Variants in PADI4 observed in about 807,000 individuals in gnomAD.
PADI4 encodes protein-arginine deiminase type-4.
A neutral mutation model predicts 75.0 loss-of-function variants in PADI4; 62 were observed. That is an observed-to-expected ratio of 0.83 (90% CI 0.67 to 1.02). The LOEUF (loss-of-function observed/expected upper bound fraction) is 1.02, where lower values mean the gene tolerates loss of function less well. PADI4 is among the 50% of genes least tolerant of loss of function. The pLI, the probability that PADI4 is intolerant of heterozygous loss-of-function variation, is 0.00. For missense variants in PADI4, 845 were observed against 850.5 expected, an observed-to-expected ratio of 0.99 and a Z score of 0.08; for synonymous variants, 361 against 348.1, an observed-to-expected ratio of 1.04 and a Z score of -0.41.
chr1:17,359,623 T>C (rs1303705668), intron 15 of PADI4, among the ~76,000 whole-genome samples: 2 of 152,104 alleles, frequency 1.3e-5, no homozygotes, highest in Non-Finnish European at 2.9e-5. Flanking sequence ...ATTTCCATCA[T>C]AAAATCCACA....
chr1:17,348,012 C>CAG lies in PADI4; in HGVS notation c.1122_1123dup (p.Gly375GlufsTer3). 6.2e-7 allele frequency: 1 copy of CAG among 1,612,682 alleles called. No individual in the cohort carries two copies. Among genetic ancestry groups the CAG allele is most frequent in the Non-Finnish European group, 8.5e-7 (1 of 1,178,904 alleles). On this transcript the variant is annotated frameshift_variant, in exon 10 of 16. Coordinates refer to ENST00000375448, the MANE Select transcript of PADI4 (RefSeq NM_012387.3). LOFTEE classifies it high-confidence loss of function. Reference sequence around the variant, plus strand: ...CCGTGGTCTTCGACTCTCCAAGGAACAGAGGCCTGAAGGAGTTTCCCATCA... The same window carrying CAG: ...CCGTGGTCTTCGACTCTCCAAGGAACAGAGAGGCCTGAAGGAGTTTCCCATCA...
chr1:17,359,398 T>C lies in PADI4; in HGVS notation c.1748T>C (p.Phe583Ser), dbSNP rs751611108. The C allele has an allele frequency of 1.9e-6, 3 of 1,614,104 alleles. No individual in the cohort carries two copies. The highest frequency in any genetic ancestry group is 2.2e-5 in the South Asian group (2 of 91,078). Residue 583 changes from phenylalanine (F) to serine (S), a missense_variant, in exon 15 of 16, where the codon TTC (phenylalanine) becomes TCC (serine). Phe to Ser is a radical substitution (Grantham distance 155, BLOSUM62 -2). Transcript: ENST00000375448. ...LKEFSKAEAF[F>S]PNMVNMLVLG... ...GAGTTCTCTAAGGCGGAAGCTTTTT[T>C]CCCCAACATGGTGAGGAGGTGGCGG...
chr1:17,338,668 G>T (rs1219390238), intron 5 of PADI4, among the ~76,000 whole-genome samples: 1 of 152,174 alleles, frequency 6.6e-6, no homozygotes, highest in Non-Finnish European at 1.5e-5. Context: ...GCAGACTCGG[G>T]GTTTGAACCC....
chr1:17,355,369 T>C (rs2074742222), intron 11 of PADI4, among the ~76,000 whole-genome samples: 1 of 152,076 alleles, frequency 6.6e-6, no homozygotes, highest in Non-Finnish European at 1.5e-5. Flanking sequence ...CTGACTAACA[T>C]GGCGAAACCC....
chr1:17,316,981 G>C lies in PADI4; in HGVS notation c.92+8667G>C, dbSNP rs541898259. Among the ~76,000 whole-genome samples, 291 of 152,254 alleles carry C rather than the reference G, an allele frequency of 1.9e-3. 2 individuals carry two copies. Among genetic ancestry groups the C allele is most frequent in the African/African-American group, 6.7e-3 (277 of 41,534 alleles). On this transcript the variant is annotated intron_variant, in intron 1 of 15. Coordinates refer to ENST00000375448, the MANE Select transcript of PADI4 (RefSeq NM_012387.3). The stretch of plus-strand genomic sequence containing the variant: ...TTCAGCCGATGAGACAGTGTGTGTA[G>C]AACGCCAGGCTCACAGTAGCTCTCA...
rs769855389 is a variant in PADI4, at chr1:17,356,429, G to A, written c.1528G>A (p.Gly510Arg). Residue 510 changes from glycine to arginine, a missense_variant, in exon 13 of 16, where the codon GGG (glycine) becomes AGG (arginine). By Grantham distance (125) the Gly-to-Arg change is moderately radical. Coordinates refer to ENST00000375448, the MANE Select transcript of PADI4 (RefSeq NM_012387.3). The surrounding 1 kb of genome is among the most constrained non-coding windows in gnomAD (Gnocchi z 4.1). ...CCAGGAGCAGCAGAATGAGGGCCAC[G>A]GGGAGGCCCTGCTGTTCGAAGGGAT... ...LFQEQQNEGH[G>R]EALLFEGIKK... The A allele has an allele frequency of 3.7e-6, 6 of 1,611,136 alleles. No homozygotes were observed. Among genetic ancestry groups the A allele is most frequent in the Admixed American group, 1.7e-5 (1 of 59,986 alleles).
At chr1:17,353,711 G>A (rs975921097) in intron 10 of PADI4, among the ~76,000 whole-genome samples, 1 of 152,198 alleles carries the variant, frequency 6.6e-6, no homozygotes, top group Non-Finnish European at 1.5e-5. Context: ...TTGTGATGGG[G>A]TGATTATCCT....
In PADI4 at chr1:17,343,985, G is replaced by A. The variant is rs150668800; in HGVS notation, c.935+1583G>A. ...CTGGGTAACAGACAGAGGTTGGAAC[G>A]GTTTGGAGGGCTCAGAGGAAGACAG... On this transcript the variant is annotated intron_variant, in intron 8 of 15. Transcript: ENST00000375448. Among the ~76,000 whole-genome samples the A allele has an allele frequency of 7.0e-3, 1,059 of 152,286 alleles. 13 individuals carry two copies. Among genetic ancestry groups the A allele is most frequent in the African/African-American group, 0.024 (988 of 41,560 alleles).
At chr1:17,342,171 G>A in intron 7 of PADI4, 50 bp downstream of exon 7, 1 of 1,562,308 alleles carries the variant, frequency 6.4e-7, no homozygotes, top group Non-Finnish European at 8.8e-7. Flanking sequence ...TCCAGGCAGT[G>A]GCCTGGCTAG....
chr1:17,342,022 G>A lies in PADI4; in HGVS notation c.732G>A (p.Lys244=), dbSNP rs1414070650. The A allele has an allele frequency of 6.2e-7, 1 of 1,613,996 alleles. No homozygotes were observed. The highest frequency in any genetic ancestry group is 1.1e-5 in the South Asian group (1 of 91,078). ...PSHYLMVPGG[K]HNMDFYVEAL... ...ACTACCTGATGGTCCCCGGTGGAAAGCACAACATGGACTTCTACGTGGAGG... is the reference window on the plus strand; with the variant it reads ...ACTACCTGATGGTCCCCGGTGGAAAACACAACATGGACTTCTACGTGGAGG... The change falls in exon 7 of 16, where the codon AAG becomes AAA. Residue 244 remains lysine (K), a synonymous_variant. Transcript: ENST00000375448.
intron 7 of PADI4, 46 bp downstream of exon 7, chr1:17,342,167 C>G: frequency 6.3e-7 from 1 of 1,583,896 alleles, no homozygotes; most frequent in South Asian, 1.1e-5. Flanking sequence ...GGCTTCCAGG[C>G]AGTGGCCTGG....
intron 6 of PADI4, 58 bp from the exon 7 acceptor site, chr1:17,341,885 G>A: frequency 7.4e-7 from 1 of 1,356,988 alleles, no homozygotes; most frequent in Non-Finnish European, 1.0e-6. Context: ...CTAAGGAGAG[G>A]AGGAAAAGTC....
chr1:17,343,446 G>C (rs1266419458), intron 8 of PADI4, among the ~76,000 whole-genome samples: 1 of 152,096 alleles, frequency 6.6e-6, no homozygotes, highest in Non-Finnish European at 1.5e-5. Flanking sequence ...ATGTGGTCAG[G>C]ACGCAGGCTG....
At chr1:17,339,429 G>A (rs1352604227) in intron 5 of PADI4, among the ~76,000 whole-genome samples, 1 of 152,166 alleles carries the variant, frequency 6.6e-6, no homozygotes, top group Non-Finnish European at 1.5e-5. Context: ...TAATAAATGT[G>A]GTCCCCGCTT....
chr1:17,363,873 C>A lies in PADI4; in HGVS notation c.*118C>A. 3 of 657,338 alleles carry A rather than the reference C, an allele frequency of 4.6e-6. No individual in the cohort carries two copies. The highest frequency in any genetic ancestry group is 5.4e-6 in the Non-Finnish European group (2 of 370,602). The allele number at this position is 657,338 out of a possible 1,614,324, so 40.7% of individuals were successfully genotyped here. A position where few individuals can be genotyped will look rare whatever the true frequency, so the allele number is the denominator to read the frequency against. On this transcript the variant is annotated 3_prime_UTR_variant, in exon 16 of 16. Coordinates refer to ENST00000375448, the MANE Select transcript of PADI4 (RefSeq NM_012387.3). ...CCCTGGGGGCGGCCAGCCCTCCCAGCAGTGGCTTGCTTTCTTCTCCTGTGA... is the reference window on the plus strand; with the variant it reads ...CCCTGGGGGCGGCCAGCCCTCCCAGAAGTGGCTTGCTTTCTTCTCCTGTGA...
intron 1 of PADI4, among the ~76,000 whole-genome samples, chr1:17,314,756 G>A (rs116639819): frequency 0.023 from 3,559 of 152,282 alleles, 138 homozygotes; most frequent in African/African-American, 0.082. Flanking sequence ...CCTGGGAGAC[G>A]TTTCCCCGGG....
rs948509603 is a variant in PADI4, at chr1:17,350,573, C to T, written c.1155+2525C>T. ...TCACCTGGCATCCATGAGCGTCCCCCACACAGCCCACTCTTGGGGGGCCAC... is the reference window on the plus strand; with the variant it reads ...TCACCTGGCATCCATGAGCGTCCCCTACACAGCCCACTCTTGGGGGGCCAC... On this transcript the variant is annotated intron_variant, in intron 10 of 15. Transcript: ENST00000375448. Among the ~76,000 whole-genome samples the T allele has an allele frequency of 3.8e-5, 5 of 130,536 alleles. 2 individuals carry two copies. The highest frequency in any genetic ancestry group is 8.7e-5 in the Non-Finnish European group (5 of 57,456). The allele number at this position is 130,536 out of a possible 152,430, so 85.6% of individuals were successfully genotyped here.
In PADI4 at chr1:17,308,293, T is replaced by G; in HGVS notation, c.71T>G (p.Leu24Trp). ...PTHAVCVLGTLTQLDICSSAP... is the reference protein window; with the variant it reads ...PTHAVCVLGTWTQLDICSSAP... ...CATGCCGTGTGTGTGCTGGGCACCT[T>G]GACTCAGCTTGACATCTGCAGGTAA... Residue 24 changes from leucine to tryptophan, a missense_variant, in exon 1 of 16, where the codon TTG becomes TGG. Coordinates refer to ENST00000375448, the MANE Select transcript of PADI4 (RefSeq NM_012387.3). 2 of 1,613,964 alleles carry G rather than the reference T, an allele frequency of 1.2e-6. No individual in the cohort carries two copies.
chr1:17,324,582 T>C (rs2100685861), intron 1 of PADI4, among the ~76,000 whole-genome samples: 1 of 152,368 alleles, frequency 6.6e-6, no homozygotes, highest in African/African-American at 2.4e-5. Context: ...TCTTCCCACC[T>C]TGGCCTCCCA....
Sources: gnomAD v4.1 joint callset for allele counts (sites outside exome capture counted in the v4.1 genomes callset) on GRCh38, gnomAD v4.1.1 for gene constraint, Gnocchi (gnomAD v3.1) non-coding constraint, MANE v1.5 for transcripts, NCBI Gene and HGNC (gene_info 2026-07-23, HGNC 2026-07-21) for gene names.